The following RPF1 variants were observed in gnomAD, a reference collection of about 807,000 sequenced individuals.
RPF1 encodes ribosome production factor 1.
RPF1 carries 34 observed loss-of-function variants against 41.9 expected under a neutral mutation model. The observed-to-expected ratio is 0.81, with a 90% CI of 0.62 to 1.08. The LOEUF (loss-of-function observed/expected upper bound fraction) is 1.08, where lower values mean the gene tolerates loss of function less well. Ranked by LOEUF, RPF1 falls within the 50% of genes least tolerant of loss-of-function variation. The pLI is 0.00. For synonymous variants in RPF1, 140 were observed against 148.9 expected (o/e 0.94, Z 0.43); for missense variants, 425 against 435.2 (o/e 0.98, Z 0.21).
chr1:84,492,914 A>G (rs911856968), intron 5 of RPF1, among the ~76,000 whole-genome samples: 2 of 152,170 alleles, frequency 1.3e-5, no homozygotes, highest in African/African-American at 4.8e-5. Context: ...CGTGGTTGAG[A>G]TCTGCAGTTG....
chr1:84,486,520 G>A lies in RPF1; in HGVS notation c.367-3113G>A, dbSNP rs374753104. ...GGAGAATGGCGTGAACCCGGGAGGC[G>A]GAGCTTGCAGTGAGCCGAGATCGCG... On this transcript the variant is annotated intron_variant, in intron 3 of 8. Transcript: ENST00000370654. 4.1e-3 allele frequency among the ~76,000 whole-genome samples: 606 copies of A among 148,616 alleles called. 10 individuals carry two copies. Among genetic ancestry groups the A allele is most frequent in the Non-Finnish European group, 1.3e-3 (88 of 67,624 alleles).
At chr1:84,482,466 C>A (rs1239954396) in intron 2 of RPF1, among the ~76,000 whole-genome samples, 2 of 151,990 alleles carry the variant, frequency 1.3e-5, no homozygotes, top group Non-Finnish European at 2.9e-5. Flanking sequence ...CATAAATACC[C>A]CAAAGTAAAA....
chr1:84,497,051 T>C (rs1308635906), intron 8 of RPF1, among the ~76,000 whole-genome samples: 1 of 151,744 alleles, frequency 6.6e-6, no homozygotes, highest in Non-Finnish European at 1.5e-5. Context: ...TTTCTATTTT[T>C]AGTAGAGAAG....
At chr1:84,491,161 T>G (rs1681828377) in intron 5 of RPF1, among the ~76,000 whole-genome samples, 1 of 152,206 alleles carries the variant, frequency 6.6e-6, no homozygotes. Flanking sequence ...CCCAAGGTAT[T>G]TCTTCCTGTT....
Position 84,495,890 on chromosome 1 carries a change from C to A in RPF1, c.708C>A (p.Gly236=). 1 of 1,591,616 alleles carries A rather than the reference C, an allele frequency of 6.3e-7. No homozygotes were observed. The highest frequency in any genetic ancestry group is 8.6e-7 in the Non-Finnish European group (1 of 1,167,416). ...TTTCATTATTTTTCTAGAGAAGAGG[C>A]AAGGACCCCACAGAACACATACCTG... ...VRLRKEIKRR[G]KDPTEHIPEI... The change falls in exon 7 of 9, where the codon GGC becomes GGA. Residue 236 remains glycine (G), a synonymous_variant. Transcript: ENST00000370654.
chr1:84,488,449 C>T (rs1281273354), intron 3 of RPF1, among the ~76,000 whole-genome samples: 1 of 152,068 alleles, frequency 6.6e-6, no homozygotes, highest in Non-Finnish European at 1.5e-5. Flanking sequence ...AACCAGTAGC[C>T]TACCTAAATT....
intron 3 of RPF1, among the ~76,000 whole-genome samples, chr1:84,489,144 A>T (rs142413166): frequency 7.3e-4 from 111 of 152,228 alleles, no homozygotes; most frequent in African/African-American, 2.6e-3. Flanking sequence ...TTTTTCTAAT[A>T]TGAGCAGGTA....
At chr1:84,496,812 AG>A in intron 8 of RPF1, among the ~76,000 whole-genome samples, 1 of 152,302 alleles carries the variant, frequency 6.6e-6, no homozygotes, top group East Asian at 1.9e-4. Context: ...ACTATTGATA[AG>A]TTTTCTTAGA....
intron 8 of RPF1, 67 bp from the exon 9 acceptor site, chr1:84,497,362 T>C: frequency 7.4e-7 from 1 of 1,358,464 alleles, no homozygotes; most frequent in Non-Finnish European, 1.0e-6. Flanking sequence ...TTTTACTGTC[T>C]TACCTGAATT....
chr1:84,492,918 GCAGTT>G (rs1463770220), intron 5 of RPF1, among the ~76,000 whole-genome samples: 1 of 152,196 alleles, frequency 6.6e-6, no homozygotes, highest in Non-Finnish European at 1.5e-5. Context: ...GTTGAGATCT[GCAGTT>G]GCCTTAGTCT....
rs978772869 is a variant in RPF1 at position 84,496,273 on chromosome 1, G to A, written c.911G>A (p.Gly304Glu). 6.2e-7 allele frequency: 1 copy of A among 1,613,418 alleles called. No homozygotes were observed. Among genetic ancestry groups the A allele is most frequent in the Non-Finnish European group, 8.5e-7 (1 of 1,179,586 alleles). Residue 304 changes from glycine to glutamate, a missense_variant, in exon 8 of 9, where the codon GGA becomes GAA. Physicochemically the swap from Gly to Glu is moderately conservative, Grantham distance 98. Coordinates refer to ENST00000370654, the MANE Select transcript of RPF1 (RefSeq NM_025065.7). The stretch of plus-strand genomic sequence containing the variant: ...ATATTCAGGAGTGAAAAGAAAGTGG[G>A]AATTCAGGAACTTGGACCACGTTTT... ...RYIFRSEKKV[G>E]IQELGPRFTL...
At chr1:84,497,241 A>G (rs1681957450) in intron 8 of RPF1, among the ~76,000 whole-genome samples, 188 bp from the exon 9 acceptor site, 2 of 151,182 alleles carry the variant, frequency 1.3e-5, no homozygotes, top group Admixed American at 1.3e-4. Flanking sequence ...TCACACACAC[A>G]CAGTAACTGC....
intron 1 of RPF1, 152 bp downstream of exon 1, chr1:84,479,661 C>T (rs1049349220): frequency 5.7e-6 from 4 of 698,772 alleles, no homozygotes; most frequent in South Asian, 3.8e-5. Flanking sequence ...GTGTTCTGGT[C>T]CCCTCGCCCT....
chr1:84,489,298 T>G (rs1047855087), intron 3 of RPF1, among the ~76,000 whole-genome samples: 4 of 152,294 alleles, frequency 2.6e-5, no homozygotes, highest in East Asian at 1.9e-4. Flanking sequence ...TTGGTTCTTT[T>G]TTTGTTTGTT....
intron 3 of RPF1, among the ~76,000 whole-genome samples, chr1:84,485,700 A>G (rs1349611092): frequency 6.6e-6 from 1 of 152,178 alleles, no homozygotes; most frequent in Non-Finnish European, 1.5e-5. Context: ...GGTGCCTGCC[A>G]GGTTTCTCCA....
intron 3 of RPF1, among the ~76,000 whole-genome samples, chr1:84,484,517 G>A (rs1302075992): frequency 6.6e-6 from 1 of 151,242 alleles, no homozygotes; most frequent in African/African-American, 2.4e-5. Context: ...TCAGTCATTT[G>A]CTTTTTGTGA....
intron 8 of RPF1, among the ~76,000 whole-genome samples, chr1:84,496,912 C>T (rs1027685369): frequency 2.0e-4 from 30 of 152,100 alleles, no homozygotes; most frequent in African/African-American, 7.2e-4. Context: ...AGCTTTGTTG[C>T]CCAGGCTGGA....
intron 3 of RPF1, among the ~76,000 whole-genome samples, chr1:84,489,182 C>T (rs143270166): frequency 6.6e-6 from 1 of 152,128 alleles, no homozygotes; most frequent in South Asian, 2.1e-4. Flanking sequence ...CAGACTACCA[C>T]TTTTGGTATA....
chr1:84,482,734 T>TA (rs397963036), intron 2 of RPF1, among the ~76,000 whole-genome samples, 181 bp from the exon 3 acceptor site: 76 of 144,736 alleles, frequency 5.3e-4, no homozygotes, highest in Non-Finnish European at 7.2e-4. Flanking sequence ...CCAGATTGTT[T>TA]AAAAAAAAAA....
Sources: gnomAD v4.1 joint callset for allele counts (sites outside exome capture counted in the v4.1 genomes callset) on GRCh38, gnomAD v4.1.1 for gene constraint, MANE v1.5 for transcripts, NCBI Gene and HGNC (gene_info 2026-07-23, HGNC 2026-07-21) for gene names.